CDK14: variants seen among roughly 807,000 people sequenced by gnomAD.
CDK14 encodes the protein cyclin dependent kinase 14.
Under a neutral mutation model 60.7 loss-of-function variants are expected in CDK14, and 34 were observed. The observed-to-expected ratio is 0.56, with a 90% confidence interval of 0.43 to 0.75. The LOEUF is 0.75. Among genes scored for constraint, CDK14 ranks in the 30% least tolerant of loss-of-function variants. The pLI is 0.00. For synonymous variants in CDK14, 197 were observed against 203.7 expected (o/e 0.97, Z 0.28); for missense variants, 482 against 564.1 (o/e 0.85, Z 1.47).
chr7:91,040,998 C>T (rs559996277), intron 10 of CDK14, among the ~76,000 whole-genome samples: 2 of 152,268 alleles, frequency 1.3e-5, no homozygotes, highest in Admixed American at 6.5e-5. Flanking sequence ...ATTTTCACAG[C>T]GAGGCCCTCT....
At chr7:90,839,313 G>C (rs1562793565) in intron 5 of CDK14, among the ~76,000 whole-genome samples, 1 of 152,178 alleles carries the variant, frequency 6.6e-6, no homozygotes, top group Non-Finnish European at 1.5e-5. Context: ...TGAGACTATG[G>C]CTTGGCCTCC....
chr7:90,685,845 C>T (rs1801424062), intron 2 of CDK14, among the ~76,000 whole-genome samples: 1 of 151,852 alleles, frequency 6.6e-6, no homozygotes, highest in African/African-American at 2.4e-5. Context: ...AGTCATTTTC[C>T]TTCTGTTCCT....
At chr7:90,792,719 C>T (rs1406971745) in intron 5 of CDK14, among the ~76,000 whole-genome samples, 1 of 151,898 alleles carries the variant, frequency 6.6e-6, no homozygotes, top group Admixed American at 6.6e-5. Flanking sequence ...CTTAATTATA[C>T]ACCTCACTTC....
Position 91,192,943 on chromosome 7 carries a change from C to G in CDK14, c.*29-14222C>G, listed in dbSNP as rs143450711. ...TCAGATAGCCTGATCCGGGTTTCTC[C>G]TCTCTTGAAGGAAATATGATGCATA... On this transcript the variant is annotated intron_variant, in intron 14 of 14. Coordinates refer to ENST00000380050, the MANE Select transcript of CDK14 (RefSeq NM_001287135.2). Among the ~76,000 whole-genome samples the G allele has an allele frequency of 2.6e-3, 392 of 152,234 alleles. 2 individuals carry two copies. The highest frequency in any genetic ancestry group is 0.02 in the Middle Eastern group (6 of 294).
At chr7:90,598,036 T>G (rs1035456697) in intron 1 of CDK14, among the ~76,000 whole-genome samples, 11 of 152,258 alleles carry the variant, frequency 7.2e-5, no homozygotes, top group Middle Eastern at 3.4e-3. Flanking sequence ...AAGAAGAGTG[T>G]GAGAGAGGGA....
chr7:90,709,788 C>G, intron 2 of CDK14: 17 of 1,423,318 alleles, frequency 1.2e-5, no homozygotes, highest in Non-Finnish European at 1.6e-5. Flanking sequence ...TTTTTGCTTG[C>G]TTATGCATCC....
At chr7:90,620,116 T>A (rs1257779081) in intron 2 of CDK14, among the ~76,000 whole-genome samples, 3 of 152,198 alleles carry the variant, frequency 2.0e-5, no homozygotes, top group Admixed American at 2.0e-4. Flanking sequence ...TACAAGATGA[T>A]GTATCAATGT....
intron 5 of CDK14, among the ~76,000 whole-genome samples, chr7:90,847,747 T>A (rs1790513102): frequency 6.6e-6 from 1 of 152,248 alleles, no homozygotes. Flanking sequence ...CAGTTTAGGT[T>A]ATTTCTAATA....
chr7:91,008,303 A>C (rs1421085640), intron 10 of CDK14, among the ~76,000 whole-genome samples: 1 of 152,162 alleles, frequency 6.6e-6, no homozygotes, highest in Non-Finnish European at 1.5e-5. Context: ...GGATAACCAG[A>C]ATAATCAAGG....
At chr7:90,926,442 G>C (rs184600380) in intron 8 of CDK14, among the ~76,000 whole-genome samples, 14 of 152,268 alleles carry the variant, frequency 9.2e-5, no homozygotes, top group Admixed American at 3.3e-4. Flanking sequence ...TTATATTCCT[G>C]GGTGAATTAA....
rs137988255 is a variant in CDK14 at position 91,186,681 on chromosome 7, A to C, written c.*29-20484A>C. ...TTTCTTCACCAGCAGGACACAGTAC[A>C]CTCCAGTCTTTCTCTTTCAGCGATC... On this transcript the variant is annotated intron_variant, in intron 14 of 14. Transcript: ENST00000380050. Among the ~76,000 whole-genome samples the C allele has an allele frequency of 4.1e-3, 620 of 152,132 alleles. 5 individuals carry two copies. Among genetic ancestry groups the C allele is most frequent in the African/African-American group, 0.014 (591 of 41,488 alleles).
intron 9 of CDK14, among the ~76,000 whole-genome samples, chr7:90,972,097 T>C (rs1257968955): frequency 6.6e-6 from 1 of 152,228 alleles, no homozygotes; most frequent in East Asian, 1.9e-4. Flanking sequence ...AAAATAAATA[T>C]TATAGTTTCC....
intron 14 of CDK14, among the ~76,000 whole-genome samples, chr7:91,157,349 G>A (rs952924848): frequency 6.6e-6 from 1 of 152,150 alleles, no homozygotes; most frequent in Non-Finnish European, 1.5e-5. Context: ...GTAGACCTGG[G>A]TTCAAATCCC....
intron 14 of CDK14, among the ~76,000 whole-genome samples, chr7:91,157,862 C>G (rs1406349190): frequency 6.6e-6 from 1 of 151,956 alleles, no homozygotes; most frequent in Non-Finnish European, 1.5e-5. Context: ...TAGCTGCTGC[C>G]CCTGTCATCC....
At chr7:91,171,419 G>A (rs1174863010) in intron 14 of CDK14, among the ~76,000 whole-genome samples, 2 of 152,106 alleles carry the variant, frequency 1.3e-5, no homozygotes, top group Non-Finnish European at 2.9e-5. Flanking sequence ...TATTTGCTAT[G>A]ACTAGTGTTG....
chr7:90,971,117 C>T (rs1472944098), intron 9 of CDK14, among the ~76,000 whole-genome samples: 7 of 150,548 alleles, frequency 4.6e-5, no homozygotes, highest in East Asian at 2.0e-4. Flanking sequence ...CATGTGTTCT[C>T]ATTGTTCAGT....
intron 2 of CDK14, among the ~76,000 whole-genome samples, chr7:90,641,174 C>T (rs1160313489): frequency 6.6e-6 from 1 of 151,794 alleles, no homozygotes; most frequent in Non-Finnish European, 1.5e-5. Flanking sequence ...AACTCTCATA[C>T]CCTGGGACTG....
intron 3 of CDK14, among the ~76,000 whole-genome samples, chr7:90,728,732 A>G (rs1802734670): frequency 6.6e-6 from 1 of 151,948 alleles, no homozygotes; most frequent in African/African-American, 2.4e-5. Context: ...TCTTGGAGAG[A>G]AACTGTTGGC....
chr7:90,881,502 G>A (rs1791751426), intron 6 of CDK14, among the ~76,000 whole-genome samples: 1 of 152,056 alleles, frequency 6.6e-6, no homozygotes, highest in Non-Finnish European at 1.5e-5. Flanking sequence ...AAATAAGCAG[G>A]AAAACACACT....
Sources: allele counts gnomAD v4.1 joint callset (sites outside exome capture counted in the v4.1 genomes callset), GRCh38; gene constraint gnomAD v4.1.1; transcripts MANE v1.5; gene names NCBI Gene and HGNC (gene_info 2026-07-23, HGNC 2026-07-21).